The following ENTREP2 variants were observed in gnomAD, a reference collection of about 807,000 sequenced individuals.
ENTREP2 encodes the protein endosomal transmembrane epsin interactor 2, also known as protein ENTREP2.
At chr15:29,250,073 G>A in the ENTREP2 span, among the ~76,000 whole-genome samples, 1 of 152,132 alleles carries the variant, frequency 6.6e-6, no homozygotes, top group Non-Finnish European at 1.5e-5. Flanking sequence ...CAACGCTCGG[G>A]ATTGCAACTG....
chr15:29,133,467 C>A, the ENTREP2 span, among the ~76,000 whole-genome samples: 1 of 152,174 alleles, frequency 6.6e-6, no homozygotes, highest in South Asian at 2.1e-4. Context: ...CGCTCCCCTG[C>A]GCACGTGCCG....
At chr15:29,195,072 G>A in the ENTREP2 span, 5 of 968,312 alleles carry the variant, frequency 5.2e-6, no homozygotes, top group Non-Finnish European at 6.1e-6. Context: ...ATGCAGTGAG[G>A]TAGAATGTGG....
At chr15:29,521,039 G>A in the ENTREP2 span, among the ~76,000 whole-genome samples, 2 of 152,078 alleles carry the variant, frequency 1.3e-5, no homozygotes, top group Non-Finnish European at 2.9e-5. Flanking sequence ...TTGTCACTCC[G>A]GGAGATATTT....
the ENTREP2 span, among the ~76,000 whole-genome samples, chr15:29,426,484 C>G: frequency 2.0e-5 from 3 of 151,992 alleles, no homozygotes; most frequent in East Asian, 5.8e-4. Context: ...CTCCTATATG[C>G]CTGTCTGACG....
At chr15:29,308,301 G>C in the ENTREP2 span, among the ~76,000 whole-genome samples, 1 of 152,156 alleles carries the variant, frequency 6.6e-6, no homozygotes, top group Admixed American at 6.5e-5. Flanking sequence ...GCTTAAGCCA[G>C]GGAGGTGGAG....
chr15:29,541,131 C>T, the ENTREP2 span, among the ~76,000 whole-genome samples: 6 of 152,170 alleles, frequency 3.9e-5, no homozygotes, highest in East Asian at 1.2e-3. Flanking sequence ...CAGAAAGCAT[C>T]ACTCCCTCCC....
At chr15:29,453,574 G>A in the ENTREP2 span, among the ~76,000 whole-genome samples, 1 of 152,204 alleles carries the variant, frequency 6.6e-6, no homozygotes, top group South Asian at 2.1e-4. Flanking sequence ...CACACTTCCT[G>A]TTGATTTCTT....
At chr15:29,428,558 C>G in the ENTREP2 span, among the ~76,000 whole-genome samples, 1 of 151,104 alleles carries the variant, frequency 6.6e-6, no homozygotes, top group East Asian at 1.9e-4. Context: ...GTCTTAAGCT[C>G]TTTTCCCAAA....
the ENTREP2 span, among the ~76,000 whole-genome samples, chr15:29,242,861 G>A: frequency 6.6e-6 from 1 of 152,234 alleles, no homozygotes; most frequent in Non-Finnish European, 1.5e-5. Flanking sequence ...CTGGAATCTA[G>A]AGGTCCAGAA....
chr15:29,523,969 G>A, the ENTREP2 span, among the ~76,000 whole-genome samples: 58 of 152,116 alleles, frequency 3.8e-4, no homozygotes, highest in Admixed American at 2.1e-3. Context: ...TCATGATGTT[G>A]GATTAGGCAA....
At chr15:29,524,855 T>C in the ENTREP2 span, among the ~76,000 whole-genome samples, 1 of 152,072 alleles carries the variant, frequency 6.6e-6, no homozygotes. Flanking sequence ...AGAGTGAAAA[T>C]AGAGCTCCCA....
the ENTREP2 span, among the ~76,000 whole-genome samples, chr15:29,313,605 A>G: frequency 2.0e-5 from 3 of 152,220 alleles, no homozygotes; most frequent in African/African-American, 7.2e-5. Flanking sequence ...AACGCTCAGA[A>G]AAAAAATATG....
chr15:29,409,554 A>G, the ENTREP2 span, among the ~76,000 whole-genome samples: 318 of 151,822 alleles, frequency 2.1e-3, 2 homozygotes, highest in African/African-American at 7.3e-3. Context: ...CGAACTCCTG[A>G]CCTCAAGTGA....
the ENTREP2 span, chr15:29,137,137 C>A: frequency 6.8e-7 from 1 of 1,476,526 alleles, no homozygotes; most frequent in Non-Finnish European, 8.9e-7. Flanking sequence ...TGGTGGAGAA[C>A]GGTGCCGTGA....
At chr15:29,269,573 C>A in the ENTREP2 span, 1 of 1,535,440 alleles carries the variant, frequency 6.5e-7, no homozygotes, top group Non-Finnish European at 8.7e-7. Context: ...GGGGCCTCCT[C>A]GGCAAAGCCG....
the ENTREP2 span, among the ~76,000 whole-genome samples, chr15:29,349,102 C>T: frequency 6.6e-6 from 1 of 152,180 alleles, no homozygotes; most frequent in Non-Finnish European, 1.5e-5. Context: ...GTCTTCTTTC[C>T]AGACCCCCCG....
the ENTREP2 span, among the ~76,000 whole-genome samples, chr15:29,538,981 T>G: frequency 6.6e-6 from 1 of 152,164 alleles, no homozygotes; most frequent in Non-Finnish European, 1.5e-5. Context: ...GCACGTGGCA[T>G]GTAAGCTTTC....
At chr15:29,226,015 C>T in the ENTREP2 span, among the ~76,000 whole-genome samples, 9 of 152,214 alleles carry the variant, frequency 5.9e-5, no homozygotes, top group Admixed American at 2.6e-4. Flanking sequence ...CAGCCCCCCA[C>T]GTCTTTCTTT....
At chr15:29,616,649 G>T in the ENTREP2 span, among the ~76,000 whole-genome samples, 2 of 152,134 alleles carry the variant, frequency 1.3e-5, no homozygotes, top group Non-Finnish European at 2.9e-5. Flanking sequence ...AAAAGGGAAA[G>T]GAAACTTTTA....
Sources: gnomAD v4.1 joint callset for allele counts (sites outside exome capture counted in the v4.1 genomes callset) on GRCh38, gnomAD v4.1.1 for gene constraint, MANE v1.5 for transcripts, NCBI Gene and HGNC (gene_info 2026-07-23, HGNC 2026-07-21) for gene names.